Variants in PLXDC2 observed in about 807,000 individuals in gnomAD.
The protein encoded by PLXDC2 is plexin domain containing 2.
PLXDC2 carries 40 observed loss-of-function variants against 68.9 expected under a neutral mutation model. The ratio of observed to expected loss-of-function variants is 0.58; its 90% confidence interval spans 0.45 to 0.76. The LOEUF is 0.76. Among genes scored for constraint, PLXDC2 ranks in the 30% least tolerant of loss-of-function variants. PLXDC2 has a pLI of 0.00. For missense variants in PLXDC2, 644 were observed against 661.9 expected (o/e 0.97, Z 0.30); for synonymous variants, 243 against 234.2 (o/e 1.04, Z -0.34).
intron 9 of PLXDC2, among the ~76,000 whole-genome samples, chr10:20,199,036 A>G (rs1228886241): frequency 6.6e-6 from 1 of 152,044 alleles, no homozygotes; most frequent in Non-Finnish European, 1.5e-5. Context: ...TCTGTATAGA[A>G]TTTTAAAACC....
intron 9 of PLXDC2, among the ~76,000 whole-genome samples, chr10:20,206,346 T>C (rs1834991355): frequency 6.6e-6 from 1 of 152,048 alleles, no homozygotes; most frequent in Admixed American, 6.6e-5. Context: ...ATAGTGGACA[T>C]TTGCACTTGG....
At chr10:20,218,332 A>AT (rs1564357542) in intron 11 of PLXDC2, among the ~76,000 whole-genome samples, 7 of 151,972 alleles carry the variant, frequency 4.6e-5, no homozygotes, top group African/African-American at 9.7e-5. Flanking sequence ...AAAAAATTAA[A>AT]TATGGAACTT....
intron 6 of PLXDC2, among the ~76,000 whole-genome samples, chr10:20,154,563 C>CAA (rs368499790): frequency 0.031 from 4,256 of 136,154 alleles, 118 homozygotes; most frequent in East Asian, 0.085. Flanking sequence ...GACTCTGTCT[C>CAA]AAAAAAAAAA....
intron 1 of PLXDC2, among the ~76,000 whole-genome samples, chr10:19,818,689 AC>A (rs1362335552): frequency 6.6e-6 from 1 of 152,180 alleles, no homozygotes; most frequent in African/African-American, 2.4e-5. Context: ...ATGACAGTAG[AC>A]TATGCCTTTT....
intron 9 of PLXDC2, among the ~76,000 whole-genome samples, chr10:20,195,060 G>A (rs897581039): frequency 2.6e-5 from 4 of 151,998 alleles, no homozygotes; most frequent in Non-Finnish European, 5.9e-5. Context: ...TTAATGGGGT[G>A]AAGTGAACAA....
intron 4 of PLXDC2, among the ~76,000 whole-genome samples, chr10:20,125,149 C>A (rs1481409203): frequency 6.6e-6 from 1 of 151,942 alleles, no homozygotes; most frequent in Non-Finnish European, 1.5e-5. Flanking sequence ...GACAATCAAC[C>A]CCCTACCCAC....
intron 1 of PLXDC2, among the ~76,000 whole-genome samples, chr10:19,906,397 A>C (rs1259725188): frequency 6.6e-6 from 1 of 152,202 alleles, no homozygotes; most frequent in Non-Finnish European, 1.5e-5. Flanking sequence ...AATGTGGACA[A>C]GAGCTTGTAT....
At position 19,840,543 on chromosome 10, in the gene PLXDC2, G is replaced by A. The variant is rs1836885311; in HGVS notation, c.112+23352G>A. On this transcript the variant is annotated intron_variant, in intron 1 of 13. Coordinates refer to ENST00000377252, the MANE Select transcript of PLXDC2 (RefSeq NM_032812.9). Reference sequence around the variant, plus strand: ...AAACTAAGTAAGCTCACAGTTCCAAGACAGAGTACATTGAATAGTAAGCTT... The same window carrying A: ...AAACTAAGTAAGCTCACAGTTCCAAAACAGAGTACATTGAATAGTAAGCTT... 1.3e-5 allele frequency among the ~76,000 whole-genome samples: 2 copies of A among 152,060 alleles called. 1 individual carries two copies. Among genetic ancestry groups the A allele is most frequent in the South Asian group, 4.1e-4 (2 of 4,828 alleles).
Position 20,197,651 on chromosome 10 carries a change from C to T in PLXDC2, c.1062-14018C>T, listed in dbSNP as rs116039298. Among the ~76,000 whole-genome samples the T allele has an allele frequency of 8.7e-3, 1,329 of 151,976 alleles. 18 individuals carry two copies. The highest frequency in any genetic ancestry group is 0.029 in the African/African-American group (1,220 of 41,450). Reference sequence around the variant, plus strand: ...GATTAGAGGCATAAGCCTCCGCACCCGGCCTTTATTTTTATTTTTTTTCTT... The same window carrying T: ...GATTAGAGGCATAAGCCTCCGCACCTGGCCTTTATTTTTATTTTTTTTCTT... On this transcript the variant is annotated intron_variant, in intron 9 of 13. Transcript: ENST00000377252.
At chr10:20,173,291 A>C (rs1834474549) in intron 7 of PLXDC2, among the ~76,000 whole-genome samples, 1 of 152,212 alleles carries the variant, frequency 6.6e-6, no homozygotes, top group African/African-American at 2.4e-5. Context: ...TGAATCATTC[A>C]TTTGACAATT....
At chr10:20,211,800 T>G (rs1001042361) in intron 10 of PLXDC2, 71 bp downstream of exon 10, 1 of 1,427,008 alleles carries the variant, frequency 7.0e-7, no homozygotes, top group East Asian at 2.3e-5. Context: ...CTGTTAATAA[T>G]TTTTATTCAA....
chr10:19,948,361 T>C (rs11011694), intron 1 of PLXDC2, among the ~76,000 whole-genome samples: 67,966 of 150,352 alleles, frequency 0.45, 16,185 homozygotes, highest in African/African-American at 0.62. Context: ...TAGAGAATGG[T>C]TTTGCAGAAT....
intron 2 of PLXDC2, among the ~76,000 whole-genome samples, chr10:20,031,792 G>C (rs1835504621): frequency 6.8e-6 from 1 of 147,120 alleles, no homozygotes; most frequent in South Asian, 2.2e-4. Flanking sequence ...ACACAATACA[G>C]GAAGTTGTTT....
intron 1 of PLXDC2, among the ~76,000 whole-genome samples, chr10:19,914,249 A>G (rs1833327334): frequency 6.6e-6 from 1 of 151,864 alleles, no homozygotes; most frequent in South Asian, 2.1e-4. Flanking sequence ...TTATAATTGC[A>G]TGGTCTTATT....
At chr10:20,011,394 T>G (rs34522719) in intron 2 of PLXDC2, among the ~76,000 whole-genome samples, 9,985 of 152,172 alleles carry the variant, frequency 0.066, 395 homozygotes, top group Middle Eastern at 0.13. Context: ...ACAGGGAAAT[T>G]CACATTTGAG....
chr10:20,079,246 A>G (rs940654135), intron 4 of PLXDC2, among the ~76,000 whole-genome samples: 7 of 152,198 alleles, frequency 4.6e-5, no homozygotes, highest in Non-Finnish European at 1.0e-4. Context: ...AAACAAACAT[A>G]TGAAAAAAAG....
At chr10:20,243,460 G>C (rs1314498518) in intron 12 of PLXDC2, among the ~76,000 whole-genome samples, 1 of 152,016 alleles carries the variant, frequency 6.6e-6, no homozygotes, top group East Asian at 1.9e-4. Context: ...AGAATTTTCA[G>C]CCTTACTAGA....
chr10:20,033,275 G>A (rs2131669476), intron 2 of PLXDC2, among the ~76,000 whole-genome samples: 1 of 152,134 alleles, frequency 6.6e-6, no homozygotes, highest in African/African-American at 2.4e-5. Flanking sequence ...AGATGGCAGG[G>A]ATTGAGGCAG....
chr10:20,058,139 AT>A (rs929290145), intron 3 of PLXDC2, among the ~76,000 whole-genome samples: 7 of 152,132 alleles, frequency 4.6e-5, no homozygotes, highest in African/African-American at 1.4e-4. Flanking sequence ...AATTCCAAAT[AT>A]TTTCTAATTG....
Sources: gnomAD v4.1 joint callset for allele counts (sites outside exome capture counted in the v4.1 genomes callset) on GRCh38, gnomAD v4.1.1 for gene constraint, MANE v1.5 for transcripts, NCBI Gene and HGNC (gene_info 2026-07-23, HGNC 2026-07-21) for gene names.